Variants in IFT74 observed in about 807,000 individuals in gnomAD.
The protein encoded by IFT74 is intraflagellar transport 74.
A neutral mutation model predicts 96.7 loss-of-function variants in IFT74; 92 were observed. The ratio of observed to expected loss-of-function variants is 0.95; its 90% CI spans 0.80 to 1.13. The LOEUF is 1.13. IFT74 is among the 50% of genes most tolerant of loss of function. IFT74 has a pLI of 0.00. For missense variants in IFT74, 811 were observed against 698.2 expected, an observed-to-expected ratio of 1.16 and a Z score of -1.82; for synonymous variants, 223 against 213.2, an observed-to-expected ratio of 1.05 and a Z score of -0.40.
At chr9:26,998,065 A>G (rs1483585278) in intron 8 of IFT74, 1 of 1,613,538 alleles carries the variant, frequency 6.2e-7, no homozygotes, top group South Asian at 1.1e-5. Flanking sequence ...TATGTAAGAT[A>G]GTAACCTTGT....
chr9:26,989,225 G>C (rs1827768066), intron 7 of IFT74, among the ~76,000 whole-genome samples: 1 of 152,134 alleles, frequency 6.6e-6, no homozygotes, highest in South Asian at 2.1e-4. Context: ...GGGATGGTAG[G>C]AGGGCAATAA....
At chr9:27,001,274 C>T (rs928832783) in intron 8 of IFT74, among the ~76,000 whole-genome samples, 1 of 152,186 alleles carries the variant, frequency 6.6e-6, no homozygotes, top group East Asian at 1.9e-4. Context: ...CATGGGAGTG[C>T]AGCTATCTCT....
At chr9:26,997,750 C>T in intron 8 of IFT74, 2 of 1,608,512 alleles carry the variant, frequency 1.2e-6, no homozygotes, top group Non-Finnish European at 1.7e-6. Flanking sequence ...TTGATGTGTT[C>T]AACCAGTTCT....
chr9:26,980,459 A>G (rs1827321236), intron 3 of IFT74, 112 bp from the exon 4 acceptor site: 2 of 737,630 alleles, frequency 2.7e-6, no homozygotes, highest in Non-Finnish European at 5.0e-6. Flanking sequence ...TCATTGGGGC[A>G]TTCATGAAGA....
At chr9:27,020,427 T>C (rs1342583609) in intron 12 of IFT74, among the ~76,000 whole-genome samples, 8 of 151,886 alleles carry the variant, frequency 5.3e-5, no homozygotes, top group Admixed American at 3.3e-4. Flanking sequence ...TTTTTTTCTT[T>C]TAGGAACATT....
At chr9:26,972,982 T>A (rs1457726735) in intron 2 of IFT74, among the ~76,000 whole-genome samples, 1 of 152,198 alleles carries the variant, frequency 6.6e-6, no homozygotes, top group Non-Finnish European at 1.5e-5. Context: ...AAGAACTTTT[T>A]CTGATACTCG....
At chr9:27,001,734 G>C (rs940272101) in intron 8 of IFT74, among the ~76,000 whole-genome samples, 6 of 151,872 alleles carry the variant, frequency 4.0e-5, no homozygotes, top group African/African-American at 1.2e-4. Flanking sequence ...TTTTTAGATG[G>C]GTAGTTTGCA....
At chr9:27,060,434 T>C (rs1239059474) in intron 18 of IFT74, among the ~76,000 whole-genome samples, 157 bp from the exon 19 acceptor site, 2 of 151,704 alleles carry the variant, frequency 1.3e-5, no homozygotes, top group Non-Finnish European at 2.9e-5. Flanking sequence ...TATTTACTAT[T>C]ATTTAATCTT....
At chr9:27,034,950 T>C (rs1204371924) in intron 13 of IFT74, among the ~76,000 whole-genome samples, 1 of 152,250 alleles carries the variant, frequency 6.6e-6, no homozygotes, top group Non-Finnish European at 1.5e-5. Context: ...TCTTAGTTTT[T>C]TTTCTTTAAA....
rs1284061768 is a variant in IFT74, at chr9:27,064,385, CTT to C, written c.*1652_*1653del. 2.0e-5 allele frequency among the ~76,000 whole-genome samples: 3 copies of C among 152,014 alleles called. No individual in the cohort carries two copies. The highest frequency in any genetic ancestry group is 2.9e-5 in the Non-Finnish European group (2 of 67,968). The stretch of plus-strand genomic sequence containing the variant: ...TAAAATTTCACAAGGGAAAAAAACT[CTT>C]TTAGCAGTTAAAGAGAATGAAATCT... On this transcript the variant is annotated 3_prime_UTR_variant, in exon 20 of 20. Transcript: ENST00000380062.
chr9:26,991,329 T>C (rs114118813), intron 8 of IFT74, among the ~76,000 whole-genome samples: 1,584 of 152,254 alleles, frequency 0.01, 35 homozygotes, highest in African/African-American at 0.036. Flanking sequence ...GTTCAAGCGA[T>C]GTTGCCTCAG....
chr9:26,977,347 C>A (rs918023344), intron 2 of IFT74, among the ~76,000 whole-genome samples: 2 of 152,144 alleles, frequency 1.3e-5, no homozygotes, highest in African/African-American at 4.8e-5. Context: ...CCTGTAATCC[C>A]AGCTACTTGG....
intron 13 of IFT74, among the ~76,000 whole-genome samples, chr9:27,041,728 A>G (rs776634663): frequency 4.1e-4 from 63 of 152,104 alleles, no homozygotes; most frequent in Non-Finnish European, 7.2e-4. Flanking sequence ...AAAAACCATT[A>G]TGTTTTACCC....
chr9:26,987,641 C>T (rs1014389591), intron 6 of IFT74, among the ~76,000 whole-genome samples: 1 of 152,142 alleles, frequency 6.6e-6, no homozygotes. Flanking sequence ...ACCTTACACC[C>T]AAATAGTTTG....
chr9:26,952,008 A>G (rs1042599381), upstream of IFT74, among the ~76,000 whole-genome samples: 15 of 152,250 alleles, frequency 9.9e-5, no homozygotes, highest in Admixed American at 3.9e-4. Flanking sequence ...CAAAGCTAAT[A>G]CATTTCAATT....
intron 18 of IFT74, among the ~76,000 whole-genome samples, chr9:27,057,008 C>A (rs1820195649): frequency 6.6e-6 from 1 of 151,992 alleles, no homozygotes; most frequent in East Asian, 1.9e-4. Flanking sequence ...GCTTGTTTTT[C>A]ATGATTAACT....
chr9:27,049,278 A>G (rs1819827169), intron 16 of IFT74, among the ~76,000 whole-genome samples: 1 of 152,176 alleles, frequency 6.6e-6, no homozygotes, highest in South Asian at 2.1e-4. Context: ...ACTAGTACAC[A>G]TATACATCTT....
At chr9:27,058,904 A>G (rs1051837467) in intron 18 of IFT74, among the ~76,000 whole-genome samples, 1 of 152,134 alleles carries the variant, frequency 6.6e-6, no homozygotes, top group African/African-American at 2.4e-5. Context: ...AATTGACACA[A>G]TTTTCTTAGG....
intron 2 of IFT74, 35 bp from the exon 3 acceptor site, chr9:26,978,093 G>A: frequency 1.3e-6 from 2 of 1,538,904 alleles, no homozygotes; most frequent in Non-Finnish European, 1.7e-6. Context: ...TGTTTTTTCT[G>A]GTTTACTAAA....
Sources: gnomAD v4.1 joint callset for allele counts (sites outside exome capture counted in the v4.1 genomes callset) on GRCh38, gnomAD v4.1.1 for gene constraint, MANE v1.5 for transcripts, NCBI Gene and HGNC (gene_info 2026-07-23, HGNC 2026-07-21) for gene names.